The following KAT6B variants were observed in gnomAD, a reference collection of about 807,000 sequenced individuals.
The protein encoded by KAT6B is lysine acetyltransferase 6B.
A neutral mutation model predicts 187.5 loss-of-function variants in KAT6B; 10 were observed. That is an observed-to-expected ratio of 0.05 (90% CI 0.03 to 0.09). The LOEUF (loss-of-function observed/expected upper bound fraction) is 0.09. KAT6B is among the 10% of genes least tolerant of loss of function. KAT6B has a pLI of 1.00. For missense variants in KAT6B, 1,952 were observed against 2,558.9 expected (o/e 0.76, Z 5.12); for synonymous variants, 861 against 926.8 (o/e 0.93, Z 1.29).
intron 3 of KAT6B, among the ~76,000 whole-genome samples, chr10:74,894,764 T>C (rs1297828339): frequency 6.6e-6 from 1 of 152,210 alleles, no homozygotes; most frequent in Non-Finnish European, 1.5e-5. Context: ...TTTTTAAGGA[T>C]GAATAATATT....
At position 74,936,295 on chromosome 10, in the gene KAT6B, C is replaced by T. The variant is rs534711870; in HGVS notation, c.622-23675C>T. On this transcript the variant is annotated intron_variant, in intron 3 of 17. Transcript: ENST00000287239. ...GCAGGCGCCTGTAATCCCAGCTACT[C>T]GGGAGGCTGAGGCAGGAGAATCACT... Among the ~76,000 whole-genome samples, 14 of 151,420 alleles carry T rather than the reference C, an allele frequency of 9.2e-5. No homozygotes were observed. The South Asian group carries it at 1.5e-3, about 16-fold the overall frequency.
At chr10:74,946,706 A>G (rs1422333215) in intron 3 of KAT6B, among the ~76,000 whole-genome samples, 3 of 152,188 alleles carry the variant, frequency 2.0e-5, no homozygotes, top group Non-Finnish European at 4.4e-5. Flanking sequence ...TAGAAATCAG[A>G]TTTGTGATTG....
At chr10:74,981,732 T>C in intron 10 of KAT6B, 55 bp from the exon 11 acceptor site, 1 of 1,237,432 alleles carries the variant, frequency 8.1e-7, no homozygotes, top group African/African-American at 1.5e-5. Flanking sequence ...TATTTAATCT[T>C]CCCCCCAACA....
At chr10:75,004,550 C>T (rs973208545) in intron 13 of KAT6B, among the ~76,000 whole-genome samples, 5 of 152,160 alleles carry the variant, frequency 3.3e-5, no homozygotes, top group Admixed American at 6.5e-5. Flanking sequence ...ATGATTTAGT[C>T]CTTGCCCATA....
chr10:74,835,555 A>G (rs143030683), intron 1 of KAT6B, among the ~76,000 whole-genome samples: 2 of 152,338 alleles, frequency 1.3e-5, no homozygotes, highest in African/African-American at 4.8e-5. Context: ...TAAAGAGCCT[A>G]GTTTGAAAAC....
At position 75,022,031 on chromosome 10, in the gene KAT6B, C is replaced by G; in HGVS notation, c.3172C>G (p.Arg1058Gly). Reference sequence around the variant, plus strand: ...GGAGAGCCGGCCAGTCACAGGGGAGCGAGGGCAGCTGCTGGAGCTGTCTAA... The same window carrying G: ...GGAGAGCCGGCCAGTCACAGGGGAGGGAGGGCAGCTGCTGGAGCTGTCTAA... ...SPESRPVTGE[R>G]GQLLELSKES... Residue 1058 changes from arginine to glycine, a missense_variant, in exon 16 of 18, where the codon CGA (arginine) becomes GGA (glycine). This residue lies in a region of KAT6B where 758 missense variants were observed against 891.4 expected (regional missense o/e 0.85). Transcript: ENST00000287239. 1 of 1,613,482 alleles carries G rather than the reference C, an allele frequency of 6.2e-7. No individual in the cohort carries two copies. The highest frequency in any genetic ancestry group is 8.5e-7 in the Non-Finnish European group (1 of 1,179,922).
At chr10:74,984,894 A>C in intron 11 of KAT6B, 186 bp from the exon 12 acceptor site, 2 of 617,348 alleles carry the variant, frequency 3.2e-6, no homozygotes, top group Non-Finnish European at 5.7e-6. Context: ...GAAAATGTGG[A>C]ATTCTGATTT....
chr10:74,939,409 T>C (rs1849502540), intron 3 of KAT6B, among the ~76,000 whole-genome samples: 1 of 152,018 alleles, frequency 6.6e-6, no homozygotes. Context: ...GTTGTTGTTG[T>C]TTATTTGTTT....
Position 75,025,005 on chromosome 10 carries a change from C to T in KAT6B, c.3420C>T (p.Ile1140=). The T allele has an allele frequency of 6.2e-7, 1 of 1,614,188 alleles. No individual in the cohort carries two copies. Among genetic ancestry groups the T allele is most frequent in the South Asian group, 1.1e-5 (1 of 91,078 alleles). The change falls in exon 17 of 18, where the codon ATC becomes ATT. Residue 1140 remains isoleucine (I), a synonymous_variant. Coordinates refer to ENST00000287239, the MANE Select transcript of KAT6B (RefSeq NM_012330.4). ...AAAGGGGTCGTAAACGCAGGAGGAT[C>T]AACAGCAGTGTAACAACAGAGACCA... is the stretch of plus-strand genomic sequence containing the variant. ...KKKRGRKRRR[I]NSSVTTETIS... is the part of the protein sequence containing the mutation.
intron 3 of KAT6B, among the ~76,000 whole-genome samples, chr10:74,844,713 C>A (rs1376215004): frequency 6.6e-6 from 1 of 152,156 alleles, no homozygotes; most frequent in African/African-American, 2.4e-5. Flanking sequence ...ATTACTGCTA[C>A]CACTTTAAGT....
At position 75,021,128 on chromosome 10, in the gene KAT6B, T is replaced by G. The variant is rs1421052472; in HGVS notation, c.2864T>G (p.Phe955Cys). The change falls in exon 15 of 18, where the codon TTT becomes TGT. Residue 955 changes from phenylalanine (F) to cysteine (C), a missense_variant and splice_region_variant. By Grantham distance (205) the Phe-to-Cys change is radical. Around this residue, in one of 9 missense-constraint regions of KAT6B, gnomAD observed 758 missense variants for 891.4 expected, o/e 0.85. Coordinates refer to ENST00000287239, the MANE Select transcript of KAT6B (RefSeq NM_012330.4). ...TGTTCTGCCTTATCACATTACAGAT[T>G]TGTCATCATTAGACGGGAAAAGTTG... ...LHMIDKRDGRFVIIRREKLIL... is the reference protein window; with the variant it reads ...LHMIDKRDGRCVIIRREKLIL... 2.5e-6 allele frequency: 4 copies of G among 1,613,924 alleles called. No homozygotes were observed. The highest frequency in any genetic ancestry group is 1.1e-5 in the South Asian group (1 of 91,080).
intron 3 of KAT6B, among the ~76,000 whole-genome samples, chr10:74,924,561 A>C (rs1848355590): frequency 6.6e-6 from 1 of 152,240 alleles, no homozygotes. Context: ...AAGAGTTTTA[A>C]CTTTGAGAGA....
chr10:74,900,760 T>G (rs1214511283), intron 3 of KAT6B, among the ~76,000 whole-genome samples: 1 of 152,224 alleles, frequency 6.6e-6, no homozygotes, highest in African/African-American at 2.4e-5. Flanking sequence ...CCAATAGCTA[T>G]CACTGCCTAC....
intron 1 of KAT6B, among the ~76,000 whole-genome samples, chr10:74,828,253 G>A (rs775894608): frequency 8.5e-5 from 13 of 152,098 alleles, no homozygotes; most frequent in Non-Finnish European, 1.6e-4. Flanking sequence ...AAGTTGTGAA[G>A]GGGTAGTGAT....
At chr10:74,884,856 A>G (rs549914289) in intron 3 of KAT6B, among the ~76,000 whole-genome samples, 1 of 152,276 alleles carries the variant, frequency 6.6e-6, no homozygotes, top group Admixed American at 6.5e-5. Context: ...GGCGTGAGCT[A>G]CAGTGCCCAG....
At chr10:74,854,043 G>A (rs747927722) in intron 3 of KAT6B, among the ~76,000 whole-genome samples, 1 of 152,296 alleles carries the variant, frequency 6.6e-6, no homozygotes, top group South Asian at 2.1e-4. Flanking sequence ...TAGATTAGGT[G>A]AAACTGTTCT....
chr10:74,941,723 A>G (rs1262347910), intron 3 of KAT6B, among the ~76,000 whole-genome samples: 4 of 152,218 alleles, frequency 2.6e-5, no homozygotes, highest in Non-Finnish European at 4.4e-5. Flanking sequence ...GACTCAGACA[A>G]CTGACAACAT....
intron 5 of KAT6B, 38 bp from the exon 6 acceptor site, chr10:74,969,982 T>C: frequency 6.7e-7 from 1 of 1,484,068 alleles, no homozygotes; most frequent in Non-Finnish European, 9.4e-7. Context: ...TTACAGTTGG[T>C]TTCAGTCTCA....
At chr10:74,885,071 T>TAA (rs1426186407) in intron 3 of KAT6B, among the ~76,000 whole-genome samples, 1 of 149,182 alleles carries the variant, frequency 6.7e-6, no homozygotes, top group Non-Finnish European at 1.5e-5. Flanking sequence ...ATTAATTAAT[T>TAA]TATTTATTTA....
Sources: gnomAD v4.1 joint callset for allele counts (sites outside exome capture counted in the v4.1 genomes callset) on GRCh38, gnomAD v4.1.1 for gene constraint, gnomAD v4.1.1 regional missense constraint, MANE v1.5 for transcripts, NCBI Gene and HGNC (gene_info 2026-07-23, HGNC 2026-07-21) for gene names.